KDM3A: variants seen among roughly 807,000 people sequenced by gnomAD.
KDM3A encodes the protein lysine-specific demethylase 3A.
KDM3A carries 60 observed loss-of-function variants against 158.0 expected under a neutral mutation model. The ratio of observed to expected loss-of-function variants is 0.38; its 90% CI spans 0.31 to 0.47. The LOEUF (loss-of-function observed/expected upper bound fraction) is 0.47. Ranked by LOEUF, KDM3A falls within the 20% of genes least tolerant of loss-of-function variation. The pLI is 0.99. For missense variants in KDM3A, 1,319 were observed against 1,574.3 expected (o/e 0.84, Z 2.74); for synonymous variants, 608 against 549.3 (o/e 1.11, Z -1.49).
intron 25 of KDM3A, 99 bp from the exon 26 acceptor site, chr2:86,491,940 C>T: frequency 1.3e-6 from 1 of 768,300 alleles, no homozygotes; most frequent in South Asian, 1.8e-5. Flanking sequence ...ATTTTAAATT[C>T]TGAGAGAAGG....
intron 11 of KDM3A, 71 bp from the exon 12 acceptor site, chr2:86,474,705 G>GTGTA: frequency 3.5e-6 from 2 of 565,324 alleles, no homozygotes; most frequent in Admixed American, 2.5e-5. Context: ...AATAAGTTGT[G>GTGTA]TGTGTGTGTG....
Position 86,492,121 on chromosome 2 carries a change from C to A in KDM3A, c.*2C>A. 1 of 1,606,642 alleles carries A rather than the reference C, an allele frequency of 6.2e-7. No homozygotes were observed. ...GAATCCAGTTTTGGCAAACCTTAAT[C>A]TCCCTGCACATTGGAAATGAATTAC... is the stretch of plus-strand genomic sequence containing the variant. On this transcript the variant is annotated 3_prime_UTR_variant, in exon 26 of 26. Coordinates refer to ENST00000312912, the MANE Select transcript of KDM3A (RefSeq NM_018433.6).
chr2:86,478,565 C>T (rs190758409), intron 14 of KDM3A, 43 bp from the exon 15 acceptor site: 2,405 of 1,605,388 alleles, frequency 1.5e-3, no homozygotes, highest in Non-Finnish European at 1.9e-3. Flanking sequence ...GTTGAAAGTT[C>T]CTAATATCCT....
intron 4 of KDM3A, among the ~76,000 whole-genome samples, chr2:86,451,934 T>C (rs1573149564): frequency 6.6e-6 from 1 of 152,362 alleles, no homozygotes; most frequent in East Asian, 1.9e-4. Flanking sequence ...CATGCATACA[T>C]ATATACAAGC....
chr2:86,485,923 T>C, intron 21 of KDM3A, 64 bp downstream of exon 21: 1 of 1,564,288 alleles, frequency 6.4e-7, no homozygotes, highest in Non-Finnish European at 8.8e-7. Context: ...GGAAAATTGA[T>C]TTTGTGGGAG....
Position 86,470,291 on chromosome 2 carries a change from G to T in KDM3A, c.1607G>T (p.Cys536Phe). Residue 536 changes from cysteine (C) to phenylalanine (F), a missense_variant, in exon 11 of 26, where the codon TGT becomes TTT. Around this residue, in one of 4 missense-constraint regions of KDM3A, gnomAD observed 652 missense variants for 627.2 expected, o/e 1.04. Coordinates refer to ENST00000312912, the MANE Select transcript of KDM3A (RefSeq NM_018433.6). ...GAGGCCTTCGTACAGGATGATTCTT[G>T]TGTGAACATCGTGGCACAGTTGCCT... The part of the protein sequence containing the change: ...SGEAFVQDDS[C>F]VNIVAQLPKC... The T allele has an allele frequency of 6.2e-7, 1 of 1,614,112 alleles. No individual in the cohort carries two copies. Among genetic ancestry groups the T allele is most frequent in the Non-Finnish European group, 8.5e-7 (1 of 1,179,988 alleles).
chr2:86,485,928 TGGGA>T, intron 21 of KDM3A, 69 bp downstream of exon 21: 3 of 1,547,630 alleles, frequency 1.9e-6, no homozygotes, highest in Non-Finnish European at 2.7e-6. Flanking sequence ...ATTGATTTTG[TGGGA>T]GGGAGAGGTG....
intron 1 of KDM3A, among the ~76,000 whole-genome samples, chr2:86,441,764 C>T (rs1480336044): frequency 6.6e-6 from 1 of 150,960 alleles, no homozygotes; most frequent in Non-Finnish European, 1.5e-5. Context: ...TTCCCTCACT[C>T]CCTCTGCGGT....
chr2:86,448,488 A>G (rs1683042625), intron 2 of KDM3A, among the ~76,000 whole-genome samples: 2 of 152,234 alleles, frequency 1.3e-5, no homozygotes, highest in Admixed American at 6.5e-5. Flanking sequence ...TTTAATTGTC[A>G]ATCAGTTAAC....
At chr2:86,463,395 TAAG>T (rs369494204) in intron 8 of KDM3A, among the ~76,000 whole-genome samples, 20 of 134,902 alleles carry the variant, frequency 1.5e-4, no homozygotes, top group African/African-American at 5.3e-4. Flanking sequence ...TATAAACTGT[TAAG>T]AAGTTGATTC....
intron 8 of KDM3A, among the ~76,000 whole-genome samples, chr2:86,457,635 C>G (rs1261856281): frequency 1.1e-4 from 16 of 152,084 alleles, no homozygotes. Flanking sequence ...TGGAAGTGTT[C>G]TTAAAGGTAA....
rs555702931 is a variant in KDM3A at position 86,456,393 on chromosome 2, G to A, written c.557-49G>A. The A allele has an allele frequency of 5.4e-6, 7 of 1,300,116 alleles. No individual in the cohort carries two copies. In the South Asian group the frequency reaches 1.1e-4, roughly 20 times the overall value. The allele number at this position is 1,300,116 out of a possible 1,614,324, so 80.5% of individuals were successfully genotyped here. ...TTGTCCTGGATGATGTTGCTATTGG[G>A]AGATAATGCAAATTGCTCTAAGATT... On this transcript the variant is annotated intron_variant, in intron 5 of 25. Coordinates refer to ENST00000312912, the MANE Select transcript of KDM3A (RefSeq NM_018433.6).
chr2:86,449,607 G>C (rs746960347), intron 2 of KDM3A, among the ~76,000 whole-genome samples, 200 bp from the exon 3 acceptor site: 4 of 152,170 alleles, frequency 2.6e-5, no homozygotes, highest in Non-Finnish European at 5.9e-5. Context: ...ATCCCGAAGT[G>C]AGTTGGGAGC....
intron 8 of KDM3A, among the ~76,000 whole-genome samples, chr2:86,459,272 A>G (rs747059079): frequency 2.0e-5 from 3 of 152,210 alleles, no homozygotes; most frequent in Non-Finnish European, 4.4e-5. Flanking sequence ...GAGGATGTCA[A>G]GCTCAGAGAC....
At position 86,466,460 on chromosome 2, in the gene KDM3A, G is replaced by A. The variant is rs375678230; in HGVS notation, c.1096G>A (p.Ala366Thr). ...ALRTKPDVCK[A>T]GLLSKSSQIG... ...GAGAACAAAACCAGATGTCTGCAAA[G>A]CAGGGTTGCTCTCAAAGTCCTCTCA... The change falls in exon 10 of 26, where the codon GCA becomes ACA. Residue 366 changes from alanine (A) to threonine (T), a missense_variant. This residue lies in a region of KDM3A where 652 missense variants were observed against 627.2 expected (regional missense o/e 1.04). Coordinates refer to ENST00000312912, the MANE Select transcript of KDM3A (RefSeq NM_018433.6). The A allele has an allele frequency of 3.7e-6, 6 of 1,613,884 alleles. No individual in the cohort carries two copies. Among genetic ancestry groups the A allele is most frequent in the Non-Finnish European group, 5.1e-6 (6 of 1,179,826 alleles).
Position 86,457,064 on chromosome 2 carries a change from G to A in KDM3A, c.836G>A (p.Cys279Tyr). 1 of 1,577,088 alleles carries A rather than the reference G, an allele frequency of 6.3e-7. No homozygotes were observed. Among genetic ancestry groups the A allele is most frequent in the Non-Finnish European group, 8.7e-7 (1 of 1,155,768 alleles). ...CTGGTTTCCAAACAAGCAAAATCTT[G>A]CTCTGAGGTAACCTTTATTTATGTC... ...GTLVSKQAKSCSEASPSMCPV... is the reference protein window; with the variant it reads ...GTLVSKQAKSYSEASPSMCPV... Residue 279 changes from cysteine (C) to tyrosine (Y), a missense_variant, in exon 8 of 26, where the codon TGC becomes TAC. Transcript: ENST00000312912.
At chr2:86,461,430 G>A (rs968463947) in intron 8 of KDM3A, among the ~76,000 whole-genome samples, 3 of 152,098 alleles carry the variant, frequency 2.0e-5, no homozygotes, top group Non-Finnish European at 4.4e-5. Flanking sequence ...TAGCTATTTA[G>A]AAATGTTACA....
In KDM3A at chr2:86,466,890, G is replaced by A; in HGVS notation, c.1519+7G>A. On this transcript the variant is annotated splice_region_variant and intron_variant, in intron 10 of 25. Coordinates refer to ENST00000312912, the MANE Select transcript of KDM3A (RefSeq NM_018433.6). ...AACAATAAAATCCAGAATGGTGAGT[G>A]TTTCTCAATATCTTTATTGGTAGAA... 6.3e-7 allele frequency: 1 copy of A among 1,576,782 alleles called. No individual in the cohort carries two copies. The highest frequency in any genetic ancestry group is 1.7e-4 in the Middle Eastern group (1 of 5,868).
intron 2 of KDM3A, among the ~76,000 whole-genome samples, chr2:86,447,482 A>G (rs944650330): frequency 4.0e-5 from 6 of 149,112 alleles, no homozygotes; most frequent in Non-Finnish European, 7.4e-5. Context: ...CTGAATAGAT[A>G]TTAGATAATT....
Sources: gnomAD v4.1 joint callset for allele counts (sites outside exome capture counted in the v4.1 genomes callset) on GRCh38, gnomAD v4.1.1 for gene constraint, gnomAD v4.1.1 regional missense constraint, MANE v1.5 for transcripts, NCBI Gene and HGNC (gene_info 2026-07-23, HGNC 2026-07-21) for gene names.